Variants in CASKIN1 observed in about 807,000 individuals in gnomAD.
CASKIN1 encodes the protein CASK interacting protein 1, also known as caskin-1.
In CASKIN1, 42 loss-of-function variants were observed where a neutral mutation model predicts 117.5. That is an observed-to-expected ratio of 0.36 (90% CI 0.28 to 0.46). The LOEUF (loss-of-function observed/expected upper bound fraction) is 0.46, where lower values mean the gene tolerates loss of function less well. Among genes scored for constraint, CASKIN1 ranks in the 20% least tolerant of loss-of-function variants. The probability of loss-of-function intolerance (pLI) is 1.00; values close to 1 mark genes in which losing one functional copy is unlikely to be tolerated. For missense variants in CASKIN1, 2,083 were observed against 2,077.3 expected, an observed-to-expected ratio of 1.00 and a Z score of -0.05; for synonymous variants, 1,148 against 961.7, an observed-to-expected ratio of 1.19 and a Z score of -3.59.
rs1437022817 is a variant in CASKIN1, at chr16:2,187,205, T to C, written c.796A>G (p.Thr266Ala). ...TALDIVHQFTTSQASREIKQL... is the reference protein window; with the variant it reads ...TALDIVHQFTASQASREIKQL... ...TTGATCTCCCTGCTGGCCTGGGACG[T>C]GGTGAACTGGTGCACGATGTCCAGG... Residue 266 changes from threonine (T) to alanine (A), a missense_variant, in exon 8 of 20, where the codon ACG becomes GCG. Around this residue, in one of 3 missense-constraint regions of CASKIN1, gnomAD observed 203 missense variants for 338.7 expected, o/e 0.60. Transcript: ENST00000343516. 1 of 1,614,030 alleles carries C rather than the reference T, an allele frequency of 6.2e-7. No individual in the cohort carries two copies. The highest frequency in any genetic ancestry group is 1.1e-5 in the South Asian group (1 of 91,088).
rs977840232 is a variant in CASKIN1, at chr16:2,182,708, C to G, written c.1630-779G>C. ...TGGGAGCCCAGAGCTCAGTGTGAGGCCCAGAGAGTCCGCTTCAGTTGGGCT... is the reference window on the plus strand; with the variant it reads ...TGGGAGCCCAGAGCTCAGTGTGAGGGCCAGAGAGTCCGCTTCAGTTGGGCT... On this transcript the variant is annotated intron_variant, in intron 16 of 19. Transcript: ENST00000343516. This position sits in a 1 kb window ranked among gnomAD's most constrained non-coding sequence, Gnocchi z 4.1. Among the ~76,000 whole-genome samples, 1 of 152,228 alleles carries G rather than the reference C, an allele frequency of 6.6e-6. No individual in the cohort carries two copies. Among genetic ancestry groups the G allele is most frequent in the Non-Finnish European group, 1.5e-5 (1 of 68,044 alleles).
chr16:2,183,959 C>T lies in CASKIN1; in HGVS notation c.1417-18G>A, dbSNP rs777592073. 5 of 1,550,168 alleles carry T rather than the reference C, an allele frequency of 3.2e-6. No individual in the cohort carries two copies. Among genetic ancestry groups the T allele is most frequent in the East Asian group, 2.3e-5 (1 of 44,096 alleles). On this transcript the variant is annotated intron_variant, in intron 14 of 19. Coordinates refer to ENST00000343516, the MANE Select transcript of CASKIN1 (RefSeq NM_020764.4). ...TCAGAGCTCTGGAAGACACAAGGCACCCACTGCAGGCTCGCCTGCCCGGCC... is the reference window on the plus strand; with the variant it reads ...TCAGAGCTCTGGAAGACACAAGGCATCCACTGCAGGCTCGCCTGCCCGGCC...
At chr16:2,188,311 C>T (rs996967636) in intron 6 of CASKIN1, among the ~76,000 whole-genome samples, 3 of 151,668 alleles carry the variant, frequency 2.0e-5, no homozygotes, top group African/African-American at 7.3e-5. Flanking sequence ...CTCAGCCTCT[C>T]AAGCAGCCGG....
At position 2,182,139 on chromosome 16, in the gene CASKIN1, A is replaced by G. The variant is rs929176587; in HGVS notation, c.1630-210T>C. Among the ~76,000 whole-genome samples the G allele has an allele frequency of 2.0e-5, 3 of 152,090 alleles. No homozygotes were observed. ...CATGCCGCATATCGCACACATGCGC[A>G]CACACGCACGGCTGCCCACATCCAC... On this transcript the variant is annotated intron_variant, in intron 16 of 19. Coordinates refer to ENST00000343516, the MANE Select transcript of CASKIN1 (RefSeq NM_020764.4). This position sits in a 1 kb window ranked among gnomAD's most constrained non-coding sequence, Gnocchi z 4.1.
chr16:2,187,477 G>A lies in CASKIN1; in HGVS notation c.618-16C>T, dbSNP rs766063638. 4 of 1,597,620 alleles carry A rather than the reference G, an allele frequency of 2.5e-6. No individual in the cohort carries two copies. The South Asian group carries it at 4.4e-5, about 18-fold the overall frequency. On this transcript the variant is annotated splice_polypyrimidine_tract_variant and intron_variant, in intron 6 of 19. Coordinates refer to ENST00000343516, the MANE Select transcript of CASKIN1 (RefSeq NM_020764.4). The stretch of plus-strand genomic sequence containing the variant: ...GAGGAGGAGCCTGGCGGGAAGGCAA[G>A]GTGGACAGGCGGGGCCTTCCAGCAG...
chr16:2,181,528 C>G lies in CASKIN1; in HGVS notation c.1840G>C (p.Glu614Gln). The G allele has an allele frequency of 6.2e-7, 1 of 1,603,710 alleles. No homozygotes were observed. The highest frequency in any genetic ancestry group is 2.2e-5 in the East Asian group (1 of 44,620). ...GCCTTCCGGCGCAGGGGGCCCCCCTCATACTTGGCGTATTCAGCCTTCTGC... is the reference window on the plus strand; with the variant it reads ...GCCTTCCGGCGCAGGGGGCCCCCCTGATACTTGGCGTATTCAGCCTTCTGC... ...ELQKAEYAKYEGGPLRRKAPQ... is the reference protein window; with the variant it reads ...ELQKAEYAKYQGGPLRRKAPQ... The change falls in exon 18 of 20, where the codon GAG (glutamate) becomes CAG (glutamine). Residue 614 changes from glutamate (E) to glutamine (Q), a missense_variant. Physicochemically the swap from Glu to Gln is conservative, Grantham distance 29. Transcript: ENST00000343516.
chr16:2,189,587 G>T, intron 3 of CASKIN1, 23 bp from the exon 4 acceptor site: 2 of 1,579,208 alleles, frequency 1.3e-6, no homozygotes, highest in Non-Finnish European at 1.7e-6. Context: ...GGGATGCTGG[G>T]AGCTGACCCT....
chr16:2,196,421 C>T lies in CASKIN1; in HGVS notation c.12G>A (p.Glu4=), dbSNP rs754226679. 18 of 1,318,940 alleles carry T rather than the reference C, an allele frequency of 1.4e-5. No homozygotes were observed. The South Asian group carries it at 1.8e-4, about 13-fold the overall frequency. 81.7% of individuals were successfully genotyped at this position (1,318,940 alleles called of 1,614,324 possible). ...CCTTCACCGCCTGCACCAGCTCCTG[C>T]TCCTTCCCCATGGCGCGGCCGGGGC... MGK[E]QELVQAVKAE... The change falls in exon 1 of 20, where the codon GAG becomes GAA. Residue 4 remains glutamate (E), a synonymous_variant. Coordinates refer to ENST00000343516, the MANE Select transcript of CASKIN1 (RefSeq NM_020764.4). The surrounding 1 kb of genome is among the most constrained non-coding windows in gnomAD (Gnocchi z 5.7).
rs377608435 is a variant in CASKIN1 at position 2,188,987 on chromosome 16, G to A, written c.617+40C>T. 41 of 1,582,154 alleles carry A rather than the reference G, an allele frequency of 2.6e-5. No homozygotes were observed. The African/African-American group carries it at 5.3e-4, about 20-fold the overall frequency. On this transcript the variant is annotated intron_variant, in intron 6 of 19. Coordinates refer to ENST00000343516, the MANE Select transcript of CASKIN1 (RefSeq NM_020764.4). Reference sequence around the variant, plus strand: ...AGCCCCAGGCTGCTGCTGAACCCTGGGGACCCTAAGGCTGAGGCCCTCCCT... The same window carrying A: ...AGCCCCAGGCTGCTGCTGAACCCTGAGGACCCTAAGGCTGAGGCCCTCCCT...
chr16:2,186,682 C>A (rs773362758), intron 10 of CASKIN1, 25 bp downstream of exon 10: 2 of 1,591,258 alleles, frequency 1.3e-6, no homozygotes, highest in African/African-American at 2.7e-5. Flanking sequence ...CTCCTGCCTG[C>A]CCCCCAGGGT....
chr16:2,184,124 C>T (rs1015034208), intron 14 of CASKIN1, among the ~76,000 whole-genome samples, 183 bp from the exon 15 acceptor site: 2 of 151,668 alleles, frequency 1.3e-5, no homozygotes, highest in Non-Finnish European at 1.5e-5. Flanking sequence ...GTCCCGGAGG[C>T]GCCTCCTGGA....
chr16:2,181,768 G>A (rs745898155), intron 17 of CASKIN1, 23 bp downstream of exon 17: 20 of 1,608,412 alleles, frequency 1.2e-5, no homozygotes, highest in African/African-American at 2.7e-5. Context: ...GGCTGGGGAC[G>A]AGGGCTGGGG....
intron 3 of CASKIN1, 117 bp from the exon 4 acceptor site, chr16:2,189,681 C>A: frequency 8.9e-6 from 9 of 1,008,372 alleles, no homozygotes; most frequent in Non-Finnish European, 1.3e-5. Flanking sequence ...GGTGGGAGGG[C>A]GCTAGGAGCT....
At chr16:2,192,304 A>C (rs1283849958) in intron 1 of CASKIN1, among the ~76,000 whole-genome samples, 5 of 146,954 alleles carry the variant, frequency 3.4e-5, no homozygotes, top group Non-Finnish European at 6.0e-5. Context: ...CCCTGTCTCA[A>C]AAAAAAAAAA....
At chr16:2,178,675 T>G (rs2141306922) in intron 19 of CASKIN1, 29 bp from the exon 20 acceptor site, 1 of 1,553,112 alleles carries the variant, frequency 6.4e-7, no homozygotes, top group East Asian at 2.4e-5. Flanking sequence ...GGGGCGTGAG[T>G]GGGCGGGGCG....
chr16:2,178,270 G>A lies in CASKIN1; in HGVS notation c.*280C>T, dbSNP rs1263407854. 2 of 392,506 alleles carry A rather than the reference G, an allele frequency of 5.1e-6. No individual in the cohort carries two copies. The highest frequency in any genetic ancestry group is 4.4e-5 in the African/African-American group (2 of 45,756). 24.3% of individuals were successfully genotyped at this position (392,506 alleles called of 1,614,324 possible). A position where few individuals can be genotyped will look rare whatever the true frequency, so the allele number is the denominator to read the frequency against. Reference sequence around the variant, plus strand: ...TGTGCGCTGCCCCATCCCTGGTCCCGGGGCGCCCTCCCCTCCCGCGCGGGC... The same window carrying A: ...TGTGCGCTGCCCCATCCCTGGTCCCAGGGCGCCCTCCCCTCCCGCGCGGGC... On this transcript the variant is annotated 3_prime_UTR_variant, in exon 20 of 20. Transcript: ENST00000343516.
chr16:2,188,894 A>T, intron 6 of CASKIN1, 133 bp downstream of exon 6: 1 of 1,284,880 alleles, frequency 7.8e-7, no homozygotes, highest in Non-Finnish European at 1.1e-6. Flanking sequence ...GCCATGCCAG[A>T]GGCCTGACCA....
At position 2,181,368 on chromosome 16, in the gene CASKIN1, C is replaced by A; in HGVS notation, c.2000G>T (p.Gly667Val). 1 of 1,608,570 alleles carries A rather than the reference C, an allele frequency of 6.2e-7. No homozygotes were observed. The highest frequency in any genetic ancestry group is 8.5e-7 in the Non-Finnish European group (1 of 1,178,854). Residue 667 changes from glycine (G) to valine (V), a missense_variant, in exon 18 of 20, where the codon GGC becomes GTC. Physicochemically the swap from Gly to Val is moderately radical, Grantham distance 109. Coordinates refer to ENST00000343516, the MANE Select transcript of CASKIN1 (RefSeq NM_020764.4). ...LSDELQAAMT[G>V]PAEVGPTTEK... ...AGTGGTGGGCCCCACCTCAGCCGGGCCAGTCATGGCAGCCTGCAGCTCGTC... is the reference window on the plus strand; with the variant it reads ...AGTGGTGGGCCCCACCTCAGCCGGGACAGTCATGGCAGCCTGCAGCTCGTC...
intron 16 of CASKIN1, among the ~76,000 whole-genome samples, chr16:2,183,155 T>C (rs549178771): frequency 6.6e-6 from 1 of 152,260 alleles, no homozygotes; most frequent in South Asian, 2.1e-4. Context: ...GTGTCAGCTA[T>C]TGGTGAGGGC....
Sources: allele counts gnomAD v4.1 joint callset (sites outside exome capture counted in the v4.1 genomes callset), GRCh38; gene constraint gnomAD v4.1.1; regional missense constraint gnomAD v4.1.1; non-coding constraint Gnocchi (gnomAD v3.1); transcripts MANE v1.5; gene names NCBI Gene and HGNC (gene_info 2026-07-23, HGNC 2026-07-21).